SAG: variants seen among roughly 807,000 people sequenced by gnomAD.
SAG encodes S-arrestin.
Under a neutral mutation model 55.0 loss-of-function variants are expected in SAG, and 45 were observed. The ratio of observed to expected loss-of-function variants is 0.82; its 90% CI spans 0.64 to 1.05. SAG has a LOEUF of 1.05. SAG is among the 50% of genes least tolerant of loss of function. The pLI is 0.00. For synonymous variants in SAG, 189 were observed against 197.4 expected, an observed-to-expected ratio of 0.96 and a Z score of 0.36; for missense variants, 455 against 512.1, an observed-to-expected ratio of 0.89 and a Z score of 1.08.
At chr2:233,313,604 G>GGA (rs1357987354) in intron 2 of SAG, among the ~76,000 whole-genome samples, 1 of 151,672 alleles carries the variant, frequency 6.6e-6, no homozygotes, top group Non-Finnish European at 1.5e-5. Context: ...GGAGTACAAT[G>GGA]GTACGATCGT....
At chr2:233,316,788 G>C (rs758110319) in intron 3 of SAG, among the ~76,000 whole-genome samples, 13 of 152,208 alleles carry the variant, frequency 8.5e-5, no homozygotes, top group Non-Finnish European at 1.5e-4. Context: ...AACATCTTTG[G>C]TATCATTAGC....
chr2:233,324,082 G>C (rs188241703), intron 6 of SAG, among the ~76,000 whole-genome samples: 1 of 152,266 alleles, frequency 6.6e-6, no homozygotes, highest in East Asian at 1.9e-4. Flanking sequence ...GAGGTTGCCT[G>C]CTGAGTGAGA....
intron 2 of SAG, among the ~76,000 whole-genome samples, chr2:233,313,507 T>G (rs1700133199): frequency 6.9e-6 from 1 of 144,738 alleles, no homozygotes; most frequent in South Asian, 2.1e-4. Context: ...TTGGTTGATT[T>G]GGGGAGAATT....
At chr2:233,341,948 A>G (rs1701117353) in intron 13 of SAG, among the ~76,000 whole-genome samples, 1 of 152,030 alleles carries the variant, frequency 6.6e-6, no homozygotes, top group Non-Finnish European at 1.5e-5. Context: ...GTGAAACCCC[A>G]TCTCTACTTT....
At chr2:233,339,680 CT>C (rs960313292) in intron 12 of SAG, among the ~76,000 whole-genome samples, 25 of 124,018 alleles carry the variant, frequency 2.0e-4, no homozygotes, top group Non-Finnish European at 2.3e-4. Flanking sequence ...TAGGGCTTGA[CT>C]TTTTTTTTTT....
At chr2:233,327,053 G>A in intron 6 of SAG, 68 bp from the exon 7 acceptor site, 2 of 1,170,982 alleles carry the variant, frequency 1.7e-6, no homozygotes, top group South Asian at 2.5e-5. Context: ...TGTGAGGTGT[G>A]GCCCTCTGGC....
chr2:233,345,311 C>A (rs2125355571), intron 14 of SAG: 1 of 152,324 alleles, frequency 6.6e-6, no homozygotes. Flanking sequence ...CACACTCTAA[C>A]CCTGGGGTGC....
chr2:233,337,260 A>T (rs1427505665), intron 11 of SAG, among the ~76,000 whole-genome samples: 1 of 150,864 alleles, frequency 6.6e-6, no homozygotes, highest in Non-Finnish European at 1.5e-5. Flanking sequence ...TTTTTTTGAG[A>T]TAAGGTCTCA....
intron 14 of SAG, chr2:233,343,091 T>G (rs1372887014): frequency 1.5e-4 from 22 of 146,008 alleles, no homozygotes; most frequent in African/African-American, 5.6e-4. Flanking sequence ...GTTTTTTTTT[T>G]TTTTTTTTTT....
At chr2:233,345,420 TGGGGTCCCGA>T (rs1256815759) in intron 14 of SAG, 1 of 151,986 alleles carries the variant, frequency 6.6e-6, no homozygotes, top group Non-Finnish European at 1.5e-5. Context: ...CTGACCTCAA[TGGGGTCCCGA>T]GGACATGGAA....
In SAG at chr2:233,335,234, A is replaced by G. The variant is rs139365749; in HGVS notation, c.944+135A>G. Reference sequence around the variant, plus strand: ...GTCTGGCGTGTGTAGTGTGGAGTGCATATCTACGGGCCCACACAAGGATCC... The same window carrying G: ...GTCTGGCGTGTGTAGTGTGGAGTGCGTATCTACGGGCCCACACAAGGATCC... On this transcript the variant is annotated intron_variant, in intron 11 of 15. Transcript: ENST00000409110. 10,258 of 1,170,746 alleles carry G rather than the reference A, an allele frequency of 8.8e-3. 95 individuals carry two copies. The highest frequency in any genetic ancestry group is 9.0e-3 in the Non-Finnish European group (7,633 of 847,216). The allele number at this position is 1,170,746 out of a possible 1,614,324, so 72.5% of individuals were successfully genotyped here. A position where few individuals can be genotyped will look rare whatever the true frequency, so the allele number is the denominator to read the frequency against.
intron 10 of SAG, chr2:233,334,504 G>A (rs3792094): frequency 0.24 from 37,537 of 155,072 alleles, 6,731 homozygotes; most frequent in African/African-American, 0.51. Context: ...GGGTCCCTGC[G>A]TTGCCCCTCT....
At chr2:233,343,488 A>G (rs1055276468) in intron 14 of SAG, 2 of 237,398 alleles carry the variant, frequency 8.4e-6, no homozygotes, top group African/African-American at 2.3e-5. Context: ...TGAATTATAA[A>G]TCTACTGGCT....
chr2:233,338,868 C>A, intron 12 of SAG, 115 bp downstream of exon 12: 1 of 818,912 alleles, frequency 1.2e-6, no homozygotes, highest in Non-Finnish European at 2.1e-6. Flanking sequence ...ATAGCTTCTA[C>A]CAAGGATTAC....
At position 233,340,473 on chromosome 2, in the gene SAG, C is replaced by T. The variant is rs773665638; in HGVS notation, c.1041C>T (p.Thr347=). 1 of 1,610,598 alleles carries T rather than the reference C, an allele frequency of 6.2e-7. No homozygotes were observed. The highest frequency in any genetic ancestry group is 8.5e-7 in the Non-Finnish European group (1 of 1,178,038). ...TTTCTAGCTTTCTGGGAGAGCTCAC[C>T]TCCAGGTAAGCCTGTTCACCTTCCT... ...LTVSGFLGEL[T]SSEVATEVPF... The change falls in exon 13 of 16, where the codon ACC becomes ACT. Residue 347 remains threonine, a synonymous_variant. Transcript: ENST00000409110. This position sits in a 1 kb window ranked among gnomAD's most constrained non-coding sequence, Gnocchi z 4.2.
chr2:233,314,451 C>T (rs1025952170), intron 2 of SAG, among the ~76,000 whole-genome samples: 2 of 152,136 alleles, frequency 1.3e-5, no homozygotes, highest in Admixed American at 1.3e-4. Context: ...GCCCACCTTG[C>T]CCAGAAGCCA....
At chr2:233,330,812 G>T (rs1224165798) in intron 9 of SAG, among the ~76,000 whole-genome samples, 1 of 152,138 alleles carries the variant, frequency 6.6e-6, no homozygotes, top group African/African-American at 2.4e-5. Context: ...GATTACCGGT[G>T]TGAGCCACTG....
chr2:233,308,047 C>T (rs1378026245), intron 1 of SAG, 25 bp downstream of exon 1: 1 of 152,476 alleles, frequency 6.6e-6, no homozygotes, highest in Non-Finnish European at 1.5e-5. Context: ...CAGGCCAAAA[C>T]CTTATCAGAA....
intron 13 of SAG, among the ~76,000 whole-genome samples, chr2:233,341,154 T>G (rs927622571): frequency 6.6e-6 from 1 of 152,134 alleles, no homozygotes; most frequent in Non-Finnish European, 1.5e-5. Context: ...TTTATTTTAT[T>G]TTATTTTGAG....
Sources: gnomAD v4.1 joint callset for allele counts (sites outside exome capture counted in the v4.1 genomes callset) on GRCh38, gnomAD v4.1.1 for gene constraint, Gnocchi (gnomAD v3.1) non-coding constraint, MANE v1.5 for transcripts, NCBI Gene and HGNC (gene_info 2026-07-23, HGNC 2026-07-21) for gene names.